The following CRELD1 variants were observed in gnomAD, a reference collection of about 807,000 sequenced individuals.
CRELD1 encodes CRELD disulfide isomerase 1.
In CRELD1, 42 loss-of-function variants were observed where a neutral mutation model predicts 58.2. That is an observed-to-expected ratio of 0.72 (90% CI 0.56 to 0.93). The LOEUF is 0.93. Ranked by LOEUF, CRELD1 falls within the 40% of genes least tolerant of loss-of-function variation. The pLI is 0.00. For synonymous variants in CRELD1, 222 were observed against 202.0 expected (o/e 1.10, Z -0.84); for missense variants, 500 against 540.6 (o/e 0.92, Z 0.74).
Position 9,938,024 on chromosome 3 carries a change from G to A in CRELD1, c.378G>A (p.Glu126=). The change falls in exon 5 of 11, where the codon GAG becomes GAA. Residue 126 remains glutamate, a synonymous_variant. Transcript: ENST00000452070. ...VESWWFHKQQ[E]APDLFQWLCS... ...CCTGCCCCTGCCTCAGGCAGCAGGA[G>A]GCCCCGGACCTCTTCCAGTGGCTGT... 5.6e-6 allele frequency: 9 copies of A among 1,613,566 alleles called. No homozygotes were observed. Among genetic ancestry groups the A allele is most frequent in the Non-Finnish European group, 7.6e-6 (9 of 1,179,886 alleles).
Position 9,942,873 on chromosome 3 carries a change from CTG to C in CRELD1, c.795_796del (p.Glu266GlyfsTer4), listed in dbSNP as rs2085406165. On this transcript the variant is annotated frameshift_variant, in exon 8 of 11. Transcript: ENST00000452070. LOFTEE classifies it high-confidence loss of function. ...GGAGCTGACCAATTCTGCGTGAACACTGAGGGCTCCTATGAGTGCCGAGGTCA... is the reference window on the plus strand; with the variant it reads ...GGAGCTGACCAATTCTGCGTGAACACAGGGCTCCTATGAGTGCCGAGGTCA... The C allele has an allele frequency of 6.2e-7, 1 of 1,614,022 alleles. No homozygotes were observed. Among genetic ancestry groups the C allele is most frequent in the Non-Finnish European group, 8.5e-7 (1 of 1,179,956 alleles).
intron 4 of CRELD1, among the ~76,000 whole-genome samples, 169 bp from the exon 5 acceptor site, chr3:9,937,846 C>T (rs112406379): frequency 6.6e-6 from 1 of 152,148 alleles, no homozygotes; most frequent in African/African-American, 2.4e-5. Flanking sequence ...CTTTGAGCCT[C>T]AGTTTACCCT....
At chr3:9,940,777 G>GAGAGGGAGAGGT in intron 5 of CRELD1, 73 bp from the exon 6 acceptor site, 1 of 1,335,300 alleles carries the variant, frequency 7.5e-7, no homozygotes, top group African/African-American at 1.5e-5. Context: ...GAGGGAGAGG[G>GAGAGGGAGAGGT]AGAGGGAGAA....
intron 5 of CRELD1, among the ~76,000 whole-genome samples, chr3:9,939,917 AGGCGCCCCTCACCTCCCGGACGGGGC>A (rs2085302461): frequency 2.7e-5 from 4 of 150,558 alleles, no homozygotes; most frequent in Non-Finnish European, 5.9e-5. Context: ...AGCCGGGCAG[AGGCGCCCCTCACCTCCCGGACGGGGC>A]GGCTGGCCGG....
At chr3:9,943,254 G>T (rs544520546) in intron 9 of CRELD1, 82 bp downstream of exon 9, 2 of 1,591,264 alleles carry the variant, frequency 1.3e-6, no homozygotes, top group African/African-American at 2.7e-5. Context: ...ATATGGGCAG[G>T]TGGGGGAAGG....
At position 9,933,903 on chromosome 3, in the gene CRELD1, T is replaced by G; in HGVS notation, c.-37T>G. On this transcript the variant is annotated 5_prime_UTR_variant, in exon 1 of 11. Transcript: ENST00000452070. ...CGGGCTGGGGCGGTCGCTTCTTCCT[T>G]CTCCGTGGCCTACGAGGGTCTGGAT... 1 of 428,850 alleles carries G rather than the reference T, an allele frequency of 2.3e-6. No individual in the cohort carries two copies. The highest frequency in any genetic ancestry group is 4.2e-6 in the Non-Finnish European group (1 of 238,286). The allele number at this position is 428,850 out of a possible 1,614,324, so 26.6% of individuals were successfully genotyped here. A position where few individuals can be genotyped will look rare whatever the true frequency, so the allele number is the denominator to read the frequency against.
intron 5 of CRELD1, 168 bp downstream of exon 5, chr3:9,938,274 G>C: frequency 1.5e-6 from 1 of 651,426 alleles, no homozygotes; most frequent in South Asian, 1.7e-5. Context: ...AAATCAGTGG[G>C]GAAAGGCTTG....
At position 9,938,562 on chromosome 3, in the gene CRELD1, T is replaced by C. The variant is rs925104764; in HGVS notation, c.460+456T>C. The C allele has an allele frequency of 1.7e-5, 3 of 172,110 alleles. No homozygotes were observed. In the Admixed American group the frequency reaches 1.8e-4, roughly 10 times the overall value. The allele number at this position is 172,110 out of a possible 1,614,324, so 10.7% of individuals were successfully genotyped here. ...CTACAAAGATGGCAAATTCAGTCTT[T>C]GTAAAAGAAAATATTGGCTGGGCGC... On this transcript the variant is annotated intron_variant, in intron 5 of 10. Coordinates refer to ENST00000452070, the MANE Select transcript of CRELD1 (RefSeq NM_001077415.3).
chr3:9,943,536 G>A (rs376618126), intron 10 of CRELD1, 21 bp downstream of exon 10: 1 of 1,613,922 alleles, frequency 6.2e-7, no homozygotes, highest in Non-Finnish European at 8.5e-7. Flanking sequence ...GGGCGGGAGA[G>A]GGGAGGTCCT....
chr3:9,940,537 GCGCGCCTGCAAT>G (rs1487888706), intron 5 of CRELD1, among the ~76,000 whole-genome samples: 2 of 151,854 alleles, frequency 1.3e-5, no homozygotes, highest in Non-Finnish European at 2.9e-5. Flanking sequence ...GCGTGGTGGC[GCGCGCCTGCAAT>G]CGCAGGCACT....
At chr3:9,942,384 A>G (rs1366465095) in intron 7 of CRELD1, among the ~76,000 whole-genome samples, 2 of 152,090 alleles carry the variant, frequency 1.3e-5, no homozygotes, top group East Asian at 3.9e-4. Flanking sequence ...TAATCATTCC[A>G]GTACCCAGAT....
chr3:9,940,749 G>C, intron 5 of CRELD1, 101 bp from the exon 6 acceptor site: 1 of 708,726 alleles, frequency 1.4e-6, no homozygotes, highest in South Asian at 1.5e-5. Flanking sequence ...GAGGGGGGGA[G>C]GGAGGGAAGG....
intron 3 of CRELD1, among the ~76,000 whole-genome samples, chr3:9,936,669 C>T (rs1207088051): frequency 1.3e-5 from 2 of 151,980 alleles, no homozygotes; most frequent in Non-Finnish European, 1.5e-5. Context: ...AGTTCCAGAA[C>T]ATTTTCATTA....
At chr3:9,943,614 C>A in intron 10 of CRELD1, 99 bp downstream of exon 10, 2 of 1,595,358 alleles carry the variant, frequency 1.3e-6, no homozygotes, top group South Asian at 1.1e-5. Context: ...CTGCCCCATC[C>A]CTACTGCCAC....
intron 5 of CRELD1, 21 bp from the exon 6 acceptor site, chr3:9,940,829 T>C (rs1575646022): frequency 6.3e-7 from 1 of 1,588,532 alleles, no homozygotes; most frequent in Non-Finnish European, 8.6e-7. Flanking sequence ...TGACCTCACC[T>C]GGTTTGGTGT....
At chr3:9,939,037 C>T (rs933510432) in intron 5 of CRELD1, among the ~76,000 whole-genome samples, 1 of 151,562 alleles carries the variant, frequency 6.6e-6, no homozygotes, top group Non-Finnish European at 1.5e-5. Context: ...GCCTGTTGTT[C>T]CCCTAGGCTG....
At chr3:9,937,884 C>A in intron 4 of CRELD1, 131 bp from the exon 5 acceptor site, 1 of 767,482 alleles carries the variant, frequency 1.3e-6, no homozygotes, top group Non-Finnish European at 2.3e-6. Flanking sequence ...GGGCATTGGT[C>A]AGATGGCCTT....
rs115987432 is a variant in CRELD1, at chr3:9,938,431, C to T, written c.460+325C>T. 886 of 346,358 alleles carry T rather than the reference C, an allele frequency of 2.6e-3. 6 individuals carry two copies. Among genetic ancestry groups the T allele is most frequent in the African/African-American group, 0.017 (806 of 47,410 alleles). 21.5% of individuals were successfully genotyped at this position (346,358 alleles called of 1,614,324 possible). ...GGAGGGGCGGGTGCTGACCTGGAGC[C>T]TCCATGATCGCCATCCATCCTCACA... On this transcript the variant is annotated intron_variant, in intron 5 of 10. Coordinates refer to ENST00000452070, the MANE Select transcript of CRELD1 (RefSeq NM_001077415.3).
chr3:9,939,250 C>T (rs1223733306), intron 5 of CRELD1, among the ~76,000 whole-genome samples: 1 of 152,068 alleles, frequency 6.6e-6, no homozygotes, highest in Admixed American at 6.5e-5. Flanking sequence ...AGTTTTATGA[C>T]AAAATATTAT....
Sources: allele counts gnomAD v4.1 joint callset (sites outside exome capture counted in the v4.1 genomes callset), GRCh38; gene constraint gnomAD v4.1.1; transcripts MANE v1.5; gene names NCBI Gene and HGNC (gene_info 2026-07-23, HGNC 2026-07-21).